Variants in GDAP2 observed in about 807,000 individuals in gnomAD.
GDAP2 encodes ganglioside induced differentiation associated protein 2.
Under a neutral mutation model 67.0 loss-of-function variants are expected in GDAP2, and 51 were observed. The observed-to-expected ratio is 0.76, with a 90% confidence interval of 0.61 to 0.96. The LOEUF is 0.96. Among genes scored for constraint, GDAP2 ranks in the 40% least tolerant of loss-of-function variants. GDAP2 has a pLI of 0.00. For synonymous variants in GDAP2, 203 were observed against 207.3 expected, an observed-to-expected ratio of 0.98 and a Z score of 0.18; for missense variants, 547 against 588.3, an observed-to-expected ratio of 0.93 and a Z score of 0.73.
intron 8 of GDAP2, among the ~76,000 whole-genome samples, chr1:117,889,567 T>A (rs1221547810): frequency 6.6e-6 from 1 of 152,094 alleles, no homozygotes; most frequent in Non-Finnish European, 1.5e-5. Context: ...TCATGCTATA[T>A]TTGTTTTTCT....
chr1:117,914,366 T>C (rs964322688), intron 3 of GDAP2, among the ~76,000 whole-genome samples: 2 of 151,908 alleles, frequency 1.3e-5, no homozygotes, highest in Non-Finnish European at 2.9e-5. Context: ...AAAAGTTCAA[T>C]AGAAGGGTTA....
intron 3 of GDAP2, among the ~76,000 whole-genome samples, chr1:117,917,327 G>A (rs922983371): frequency 2.0e-5 from 3 of 152,144 alleles, no homozygotes; most frequent in African/African-American, 7.2e-5. Context: ...AAGGGGATAG[G>A]ATTAAGTATG....
intron 5 of GDAP2, among the ~76,000 whole-genome samples, chr1:117,911,668 T>C (rs981523332): frequency 1.3e-5 from 2 of 151,942 alleles, no homozygotes; most frequent in African/African-American, 2.4e-5. Context: ...AATTGAGAGC[T>C]CTGCAACTTG....
In GDAP2 at chr1:117,877,890, T is replaced by C; in HGVS notation, c.1446+119A>G. ...TGTTAAATGATATTACCAAGTTTAT[T>C]AAGACTCACTAATTTACATTAATAT... On this transcript the variant is annotated intron_variant, in intron 13 of 13. Transcript: ENST00000369443. 3 of 1,344,504 alleles carry C rather than the reference T, an allele frequency of 2.2e-6. No individual in the cohort carries two copies. The South Asian group carries it at 7.2e-5, about 32-fold the overall frequency. The allele number at this position is 1,344,504 out of a possible 1,614,324, so 83.3% of individuals were successfully genotyped here.
At chr1:117,890,251 C>T (rs529119340) in intron 8 of GDAP2, among the ~76,000 whole-genome samples, 153 of 152,030 alleles carry the variant, frequency 1.0e-3, no homozygotes, top group Middle Eastern at 3.4e-3. Flanking sequence ...ACAAATGCTC[C>T]CTTCTTTGTA....
At chr1:117,879,937 G>A (rs1293231310) in intron 12 of GDAP2, among the ~76,000 whole-genome samples, 2 of 152,120 alleles carry the variant, frequency 1.3e-5, no homozygotes, top group East Asian at 3.9e-4. Context: ...CAGCACTTTG[G>A]GAGGCCAAAA....
Position 117,918,753 on chromosome 1 carries a change from G to A in GDAP2, c.177-17C>T. ...TCTCCTTTCCTGAAGAAACAATAAA[G>A]AATGAACAAGTGTGGGGAAAAAGAA... is the stretch of plus-strand genomic sequence containing the variant. On this transcript the variant is annotated splice_polypyrimidine_tract_variant and intron_variant, in intron 2 of 13. Transcript: ENST00000369443. 4 of 1,581,202 alleles carry A rather than the reference G, an allele frequency of 2.5e-6. No homozygotes were observed. Among genetic ancestry groups the A allele is most frequent in the Non-Finnish European group, 3.5e-6 (4 of 1,153,802 alleles).
At chr1:117,907,453 T>C (rs573337805) in intron 5 of GDAP2, among the ~76,000 whole-genome samples, 1 of 152,300 alleles carries the variant, frequency 6.6e-6, no homozygotes, top group East Asian at 1.9e-4. Flanking sequence ...TCAAATTCAG[T>C]GTAGCCAAAT....
At chr1:117,887,628 A>T (rs993687036) in intron 9 of GDAP2, 70 bp downstream of exon 9, 11 of 824,014 alleles carry the variant, frequency 1.3e-5, no homozygotes, top group Non-Finnish European at 1.9e-5. Flanking sequence ...AGAAAAATGA[A>T]TTCTCAAATA....
rs34924570 is a variant in GDAP2 at position 117,870,598 on chromosome 1, T to C, written c.1465A>G (p.Thr489Ala). ...YDARENGPYY[T>A]SYPPSPDL ...AAATCTGGTGATGGGGGATATGATG[T>C]ATAGTAAGGCCCGTTTTCCTGTGGA... The change falls in exon 14 of 14, where the codon ACA (threonine) becomes GCA (alanine). Residue 489 changes from threonine to alanine, a missense_variant. Coordinates refer to ENST00000369443, the MANE Select transcript of GDAP2 (RefSeq NM_017686.4). 3,387 of 1,604,450 alleles carry C rather than the reference T, an allele frequency of 2.1e-3. 65 individuals are homozygous for C. In the African/African-American group the frequency reaches 0.041, roughly 19 times the overall value.
intron 5 of GDAP2, among the ~76,000 whole-genome samples, chr1:117,908,605 T>C (rs1354936027): frequency 2.6e-5 from 4 of 152,112 alleles, no homozygotes; most frequent in African/African-American, 9.7e-5. Flanking sequence ...AGACGATTAC[T>C]TGAGCCTGAG....
intron 13 of GDAP2, 59 bp downstream of exon 13, chr1:117,877,949 TG>T: frequency 6.3e-7 from 1 of 1,575,736 alleles, no homozygotes; most frequent in Non-Finnish European, 8.6e-7. Context: ...TCGTAAGTGC[TG>T]CTCTATAGAA....
At chr1:117,915,127 G>A (rs1312813529) in intron 3 of GDAP2, among the ~76,000 whole-genome samples, 3 of 152,178 alleles carry the variant, frequency 2.0e-5, no homozygotes, top group Non-Finnish European at 4.4e-5. Flanking sequence ...ATCTTAATAT[G>A]AGTAACAGTC....
rs888587933 is a variant in GDAP2 at position 117,863,654 on chromosome 1, A to G, written c.*6915T>C. 6.7e-6 allele frequency: 1 copy of G among 149,834 alleles called. No individual in the cohort carries two copies. The highest frequency in any genetic ancestry group is 1.5e-5 in the Non-Finnish European group (1 of 68,032). The allele number at this position is 149,834 out of a possible 1,614,324, so 9.3% of individuals were successfully genotyped here. On this transcript the variant is annotated 3_prime_UTR_variant, in exon 14 of 14. Transcript: ENST00000369443. The stretch of plus-strand genomic sequence containing the variant: ...TGACAATAAATATTTTTGAGAAAAT[A>G]TAAGAAAATAAACTTTCTAAATAAG...
In GDAP2 at chr1:117,920,432, A is replaced by G. The variant is rs1650208688; in HGVS notation, c.-67-8T>C. 1 of 891,714 alleles carries G rather than the reference A, an allele frequency of 1.1e-6. No homozygotes were observed. Among genetic ancestry groups the G allele is most frequent in the Non-Finnish European group, 1.7e-6 (1 of 572,546 alleles). The allele number at this position is 891,714 out of a possible 1,614,324, so 55.2% of individuals were successfully genotyped here. A position where few individuals can be genotyped will look rare whatever the true frequency, so the allele number is the denominator to read the frequency against. On this transcript the variant is annotated splice_polypyrimidine_tract_variant and splice_region_variant and intron_variant, in intron 1 of 13. Transcript: ENST00000369443. ...ATTCACTGGAGACTTTAGCTTTAAGAGAAAAGAAAGAATCACTTTAATAGA... is the reference window on the plus strand; with the variant it reads ...ATTCACTGGAGACTTTAGCTTTAAGGGAAAAGAAAGAATCACTTTAATAGA...
chr1:117,923,776 T>A (rs1334011275), intron 1 of GDAP2, among the ~76,000 whole-genome samples: 2 of 152,262 alleles, frequency 1.3e-5, no homozygotes, highest in African/African-American at 4.8e-5. Context: ...GTAACTACTA[T>A]CAGAACTTTT....
intron 8 of GDAP2, among the ~76,000 whole-genome samples, chr1:117,895,559 C>T (rs1230126886): frequency 6.6e-6 from 1 of 151,902 alleles, no homozygotes; most frequent in Non-Finnish European, 1.5e-5. Flanking sequence ...TAAAGAAGTC[C>T]CAGATCCCAG....
At chr1:117,903,018 T>C (rs111802428) in intron 6 of GDAP2, among the ~76,000 whole-genome samples, 1 of 152,346 alleles carries the variant, frequency 6.6e-6, no homozygotes, top group African/African-American at 2.4e-5. Flanking sequence ...ATTCTTTTTT[T>C]GATGCTACTC....
chr1:117,872,091 G>C (rs902395358), intron 13 of GDAP2, among the ~76,000 whole-genome samples: 1 of 152,016 alleles, frequency 6.6e-6, no homozygotes, highest in African/African-American at 2.4e-5. Flanking sequence ...TAAAAAAACA[G>C]CTCAACATCA....
Sources: allele counts gnomAD v4.1 joint callset (sites outside exome capture counted in the v4.1 genomes callset), GRCh38; gene constraint gnomAD v4.1.1; transcripts MANE v1.5; gene names NCBI Gene and HGNC (gene_info 2026-07-23, HGNC 2026-07-21).